Variants in SRGAP2B observed in about 807,000 individuals in gnomAD.
The protein encoded by SRGAP2B is SLIT-ROBO Rho GTPase-activating protein 2B.
A neutral mutation model predicts 22.2 loss-of-function variants in SRGAP2B; 9 were observed. The ratio of observed to expected loss-of-function variants is 0.41; its 90% CI spans 0.24 to 0.71. The LOEUF (loss-of-function observed/expected upper bound fraction) is 0.71, where lower values mean the gene tolerates loss of function less well. Ranked by LOEUF, SRGAP2B falls within the 30% of genes least tolerant of loss-of-function variation. SRGAP2B has a pLI of 0.35. For synonymous variants in SRGAP2B, 36 were observed against 87.4 expected (o/e 0.41, Z 3.28); for missense variants, 114 against 235.8 (o/e 0.48, Z 3.38).
chr1:144,920,567 TA>T (rs1216713358), intron 4 of SRGAP2B, among the ~76,000 whole-genome samples: 12 of 149,524 alleles, frequency 8.0e-5, no homozygotes, highest in Non-Finnish European at 1.6e-4. Flanking sequence ...GGCTAATTTT[TA>T]AAAAAATTGT....
intron 2 of SRGAP2B, among the ~76,000 whole-genome samples, chr1:145,023,033 T>C (rs1393584540): frequency 6.7e-6 from 1 of 149,758 alleles, no homozygotes; most frequent in East Asian, 1.9e-4. Context: ...GGCATGGCGA[T>C]GCGTGCCTAT....
At chr1:144,964,523 G>A (rs1667916586) in intron 3 of SRGAP2B, among the ~76,000 whole-genome samples, 1 of 150,658 alleles carries the variant, frequency 6.6e-6, no homozygotes. Context: ...ACTTTAAAGG[G>A]CTGAGTGGTA....
intron 4 of SRGAP2B, among the ~76,000 whole-genome samples, chr1:144,923,204 T>A (rs1664380522): frequency 6.6e-6 from 1 of 150,734 alleles, no homozygotes; most frequent in Non-Finnish European, 1.5e-5. Context: ...ATCCTAATAC[T>A]AAGAAAATAA....
chr1:144,971,490 C>T (rs1247650739), intron 3 of SRGAP2B, among the ~76,000 whole-genome samples: 1 of 150,330 alleles, frequency 6.7e-6, no homozygotes, highest in Admixed American at 6.6e-5. Flanking sequence ...AGTACACGGG[C>T]ATGACCATGG....
chr1:144,891,390 C>A (rs1276185109), exon 10 of SRGAP2B: 3 of 12,630 alleles, frequency 2.4e-4, no homozygotes, highest in African/African-American at 8.3e-4. Context: ...TATGCATATT[C>A]ACTGGCTATA....
chr1:144,926,905 G>A (rs1251369188), intron 4 of SRGAP2B, among the ~76,000 whole-genome samples: 1 of 151,122 alleles, frequency 6.6e-6, no homozygotes, highest in Non-Finnish European at 1.5e-5. Context: ...ATGATTATTA[G>A]TGTTGTTTTT....
intron 4 of SRGAP2B, among the ~76,000 whole-genome samples, chr1:144,947,537 G>A (rs1470614660): frequency 6.6e-6 from 1 of 150,434 alleles, no homozygotes; most frequent in Non-Finnish European, 1.5e-5. Flanking sequence ...CAAGACCCTG[G>A]AGAAAAGTAT....
chr1:144,920,095 G>A (rs1664116046), intron 4 of SRGAP2B, among the ~76,000 whole-genome samples: 2 of 150,776 alleles, frequency 1.3e-5, no homozygotes, highest in African/African-American at 2.5e-5. Context: ...GCTAGACACA[G>A]AGCGCTGATT....
chr1:144,908,249 A>G (rs1207276143), intron 5 of SRGAP2B, among the ~76,000 whole-genome samples: 1 of 150,386 alleles, frequency 6.6e-6, no homozygotes, highest in African/African-American at 2.5e-5. Context: ...ATGAAGGTGC[A>G]TGATAAAGAG....
chr1:144,964,834 G>T (rs1332081959), intron 3 of SRGAP2B, among the ~76,000 whole-genome samples: 1 of 150,660 alleles, frequency 6.6e-6, no homozygotes, highest in Admixed American at 6.6e-5. Context: ...TGGGAAGATC[G>T]CTTGAGCCCA....
chr1:144,993,054 A>G (rs1413333335), intron 3 of SRGAP2B, among the ~76,000 whole-genome samples: 6 of 151,368 alleles, frequency 4.0e-5, no homozygotes, highest in South Asian at 4.1e-4. Flanking sequence ...GTCTTAAGAC[A>G]TGGGCATGAC....
At chr1:144,998,424 G>GT (rs1670856049) in intron 2 of SRGAP2B, among the ~76,000 whole-genome samples, 2 of 125,802 alleles carry the variant, frequency 1.6e-5, no homozygotes, top group Non-Finnish European at 3.2e-5. Flanking sequence ...GACAGAGACA[G>GT]TAAGAAAGCA....
In SRGAP2B at chr1:144,995,144, G is replaced by A. The variant is rs57932928; in HGVS notation, c.124C>T (p.Arg42Trp). 1.3e-4 allele frequency: 150 copies of A among 1,113,560 alleles called. 4 individuals carry two copies. The African/African-American group carries it at 2.0e-3, about 15-fold the overall frequency. The allele number at this position is 1,113,560 out of a possible 1,614,324, so 69.0% of individuals were successfully genotyped here. The change falls in exon 3 of 10, where the codon CGG (arginine) becomes TGG (tryptophan). Residue 42 changes from arginine (R) to tryptophan (W), a missense_variant. By Grantham distance (101) the Arg-to-Trp change is moderately radical. Transcript: ENST00000612199. Reference sequence around the variant, plus strand: ...TGGAGGTCCTGCAACAGTTGCACCCGAAGCTCACACTGCTGGTCCAGGCAT... The same window carrying A: ...TGGAGGTCCTGCAACAGTTGCACCCAAAGCTCACACTGCTGGTCCAGGCAT...
chr1:144,911,957 T>C (rs1258413967), intron 5 of SRGAP2B, among the ~76,000 whole-genome samples: 8 of 135,132 alleles, frequency 5.9e-5, no homozygotes, highest in Non-Finnish European at 1.1e-4. Flanking sequence ...TTTCTTTTTT[T>C]TTTTTTTTTT....
chr1:144,923,102 G>A (rs1664371590), intron 4 of SRGAP2B, among the ~76,000 whole-genome samples: 1 of 150,466 alleles, frequency 6.6e-6, no homozygotes, highest in Non-Finnish European at 1.5e-5. Flanking sequence ...GTCAGGAAGA[G>A]GATAACGGCC....
intron 4 of SRGAP2B, among the ~76,000 whole-genome samples, chr1:144,929,296 G>A (rs1665005864): frequency 6.8e-6 from 1 of 146,200 alleles, no homozygotes; most frequent in Non-Finnish European, 1.5e-5. Flanking sequence ...CAAACACAGA[G>A]GTTTCTGACT....
At chr1:144,984,150 G>T (rs587708942) in intron 3 of SRGAP2B, among the ~76,000 whole-genome samples, 3 of 150,152 alleles carry the variant, frequency 2.0e-5, no homozygotes, top group Admixed American at 2.0e-4. Context: ...GAGAAGCCCC[G>T]TCTCTACTAA....
At chr1:144,925,728 AAAGAAAG>A (rs1558754323) in intron 4 of SRGAP2B, among the ~76,000 whole-genome samples, 1 of 9,106 alleles carries the variant, frequency 1.1e-4, no homozygotes, top group African/African-American at 3.4e-4. Context: ...GAGAGAAAGA[AAAGAAAG>A]AAAGAAAGAA....
rs1239957217 is a variant in SRGAP2B, at chr1:144,975,501, GT to G, written c.260+19506del. The stretch of plus-strand genomic sequence containing the variant: ...GGATTAGTTCCTGAGAGAGTGAGTT[GT>G]TGTAAAGCAAGCTTCTTCCTAGTGT... On this transcript the variant is annotated intron_variant, in intron 3 of 9. Transcript: ENST00000612199. Among the ~76,000 whole-genome samples the G allele has an allele frequency of 1.0e-4, 15 of 146,550 alleles. 1 individual carries two copies. The highest frequency in any genetic ancestry group is 2.1e-4 in the Non-Finnish European group (14 of 67,424).
Sources: gnomAD v4.1 joint callset for allele counts (sites outside exome capture counted in the v4.1 genomes callset) on GRCh38, gnomAD v4.1.1 for gene constraint, MANE v1.5 for transcripts, NCBI Gene and HGNC (gene_info 2026-07-23, HGNC 2026-07-21) for gene names.